ME1: variants seen among roughly 807,000 people sequenced by gnomAD.
ME1 encodes malic enzyme 1, also known as NADP-dependent malic enzyme.
ME1 carries 74 observed loss-of-function variants against 66.4 expected under a neutral mutation model. That is an observed-to-expected ratio of 1.11 (90% CI 0.92 to 1.35). The LOEUF (loss-of-function observed/expected upper bound fraction) is 1.35. Ranked by LOEUF, ME1 falls within the 40% of genes most tolerant of loss-of-function variation. The pLI is 0.00. For synonymous variants in ME1, 251 were observed against 235.6 expected (o/e 1.07, Z -0.60); for missense variants, 750 against 694.1 (o/e 1.08, Z -0.90).
chr6:83,405,722 G>GTTTTTTT (rs1245020714), intron 2 of ME1, among the ~76,000 whole-genome samples: 4 of 126,272 alleles, frequency 3.2e-5, no homozygotes, highest in African/African-American at 1.3e-4. Context: ...TGTTGTTGTT[G>GTTTTTTT]TTTTTTTTTT....
chr6:83,269,157 TACTC>T (rs1767042523), intron 6 of ME1, among the ~76,000 whole-genome samples: 1 of 152,160 alleles, frequency 6.6e-6, no homozygotes, highest in Non-Finnish European at 1.5e-5. Context: ...CCAAATGAAA[TACTC>T]AGTGCTAATA....
At chr6:83,328,310 A>C (rs1768340495) in intron 5 of ME1, among the ~76,000 whole-genome samples, 1 of 152,050 alleles carries the variant, frequency 6.6e-6, no homozygotes, top group Non-Finnish European at 1.5e-5. Flanking sequence ...ACAGCGGGGC[A>C]TGTCAGGGGG....
intron 12 of ME1, among the ~76,000 whole-genome samples, chr6:83,223,173 G>C (rs1790124813): frequency 6.6e-6 from 1 of 151,966 alleles, no homozygotes. Context: ...CTTTTTTTTA[G>C]GTAACAATCT....
At chr6:83,388,695 C>T (rs1479023852) in intron 3 of ME1, among the ~76,000 whole-genome samples, 1 of 152,048 alleles carries the variant, frequency 6.6e-6, no homozygotes, top group Non-Finnish European at 1.5e-5. Context: ...CTTTTTTCAT[C>T]ATAACTTTTT....
At position 83,414,757 on chromosome 6, in the gene ME1, A is replaced by G. The variant is rs188606194; in HGVS notation, c.79-6856T>C. Among the ~76,000 whole-genome samples, 26 of 152,350 alleles carry G rather than the reference A, an allele frequency of 1.7e-4. No homozygotes were observed. In the East Asian group the frequency reaches 5.0e-3, roughly 29 times the overall value. ...TAAGGCTGAAAAATTGTTAGCCAAC[A>G]ATGTCAACACTAAATTTTCCCAAAT... On this transcript the variant is annotated intron_variant, in intron 1 of 13. Coordinates refer to ENST00000369705, the MANE Select transcript of ME1 (RefSeq NM_002395.6).
intron 6 of ME1, among the ~76,000 whole-genome samples, chr6:83,314,775 T>G (rs189234361): frequency 3.3e-5 from 5 of 152,182 alleles, no homozygotes; most frequent in Admixed American, 6.5e-5. Flanking sequence ...TCAAATATTA[T>G]AGATTTAATC....
At chr6:83,349,925 T>C (rs1261311309) in intron 4 of ME1, among the ~76,000 whole-genome samples, 2 of 152,220 alleles carry the variant, frequency 1.3e-5, no homozygotes, top group Non-Finnish European at 2.9e-5. Context: ...TGTTCCCTTC[T>C]TAGAATAGTA....
chr6:83,268,280 T>C (rs1216608139), intron 6 of ME1, among the ~76,000 whole-genome samples: 1 of 152,168 alleles, frequency 6.6e-6, no homozygotes, highest in Non-Finnish European at 1.5e-5. Flanking sequence ...TAAAGTTGCC[T>C]AGATAAACAA....
chr6:83,281,806 C>CA (rs140157932), intron 6 of ME1, among the ~76,000 whole-genome samples: 186 of 13,258 alleles, frequency 0.014, 27 homozygotes, highest in Non-Finnish European at 0.018. Flanking sequence ...ACTCTGTCTC[C>CA]AAAAAAAAAA....
At chr6:83,251,945 C>T (rs970454221) in intron 7 of ME1, among the ~76,000 whole-genome samples, 26 of 152,200 alleles carry the variant, frequency 1.7e-4, no homozygotes, top group African/African-American at 5.8e-4. Context: ...CTACATCTGA[C>T]AAATTGTAGA....
intron 3 of ME1, among the ~76,000 whole-genome samples, chr6:83,375,969 G>A (rs1769280319): frequency 6.6e-6 from 1 of 151,658 alleles, no homozygotes; most frequent in South Asian, 2.1e-4. Flanking sequence ...GTACTTCCAA[G>A]TAATATCATA....
At chr6:83,350,743 C>G (rs1023160840) in intron 4 of ME1, among the ~76,000 whole-genome samples, 1 of 152,122 alleles carries the variant, frequency 6.6e-6, no homozygotes, top group Non-Finnish European at 1.5e-5. Context: ...CCACCTCGGC[C>G]TCCCAAAGTG....
intron 6 of ME1, among the ~76,000 whole-genome samples, chr6:83,293,432 C>T (rs1165302897): frequency 1.3e-5 from 2 of 152,168 alleles, no homozygotes; most frequent in Non-Finnish European, 2.9e-5. Flanking sequence ...CAGCTTTTGG[C>T]AACCACTTTC....
rs1365576040 is a variant in ME1 at position 83,357,899 on chromosome 6, T to TCCCCCC, written c.363-5761_363-5760insGGGGGG. The stretch of plus-strand genomic sequence containing the variant: ...TCATGTTAGTTAATACTTAATAAAC[T>TCCCCCC]CCCCTCTCTCTCTCTCTCTCTCTCT... On this transcript the variant is annotated intron_variant, in intron 3 of 13. Coordinates refer to ENST00000369705, the MANE Select transcript of ME1 (RefSeq NM_002395.6). 1.1e-4 allele frequency among the ~76,000 whole-genome samples: 7 copies of TCCCCCC among 62,216 alleles called. No individual in the cohort carries two copies. In the Admixed American group the frequency reaches 1.2e-3, roughly 10 times the overall value. The allele number at this position is 62,216 out of a possible 152,430, so 40.8% of individuals were successfully genotyped here.
intron 3 of ME1, among the ~76,000 whole-genome samples, chr6:83,387,173 C>T (rs573708202): frequency 6.6e-6 from 1 of 151,868 alleles, no homozygotes; most frequent in African/African-American, 2.4e-5. Context: ...GCAAAATTAC[C>T]ATACCATACA....
At chr6:83,389,426 G>T (rs1769576296) in intron 3 of ME1, among the ~76,000 whole-genome samples, 1 of 151,972 alleles carries the variant, frequency 6.6e-6, no homozygotes, top group African/African-American at 2.4e-5. Context: ...CTTTTCTCTA[G>T]AATTTTACTT....
chr6:83,394,669 T>C (rs1174214482), intron 3 of ME1, among the ~76,000 whole-genome samples: 1 of 152,228 alleles, frequency 6.6e-6, no homozygotes, highest in African/African-American at 2.4e-5. Context: ...GTACTTTCAG[T>C]AGGCTTTTGT....
intron 5 of ME1, among the ~76,000 whole-genome samples, chr6:83,323,539 TG>T (rs1253599023): frequency 6.6e-6 from 1 of 151,300 alleles, no homozygotes; most frequent in Non-Finnish European, 1.5e-5. Context: ...GTTGCAATTC[TG>T]GTCTCTGATA....
chr6:83,238,799 A>AATATAT (rs34022791), intron 8 of ME1, among the ~76,000 whole-genome samples: 31 of 139,318 alleles, frequency 2.2e-4, no homozygotes, highest in Non-Finnish European at 3.3e-4. Flanking sequence ...TTTCTTGAAA[A>AATATAT]ATATATATAT....
Sources: allele counts gnomAD v4.1 joint callset (sites outside exome capture counted in the v4.1 genomes callset), GRCh38; gene constraint gnomAD v4.1.1; transcripts MANE v1.5; gene names NCBI Gene and HGNC (gene_info 2026-07-23, HGNC 2026-07-21).